LYPD6B: variants seen among roughly 807,000 people sequenced by gnomAD.
LYPD6B encodes the protein LY6/PLAUR domain containing 6B, also known as ly6/PLAUR domain-containing protein 6B.
LYPD6B carries 17 observed loss-of-function variants against 22.8 expected under a neutral mutation model. That is an observed-to-expected ratio of 0.75 (90% confidence interval 0.51 to 1.12). The LOEUF is 1.12. Among genes scored for constraint, LYPD6B ranks in the 50% most tolerant of loss-of-function variants. LYPD6B has a pLI of 0.00. For synonymous variants in LYPD6B, 106 were observed against 91.6 expected (o/e 1.16, Z -0.90); for missense variants, 221 against 258.3 (o/e 0.86, Z 0.99).
intron 1 of LYPD6B, among the ~76,000 whole-genome samples, chr2:149,100,043 G>A (rs1686117082): frequency 6.6e-6 from 1 of 152,162 alleles, no homozygotes. Context: ...TTGTTCTAAA[G>A]AGAACATTTA....
chr2:149,148,970 G>A (rs960569176), intron 2 of LYPD6B, among the ~76,000 whole-genome samples: 1 of 152,120 alleles, frequency 6.6e-6, no homozygotes, highest in African/African-American at 2.4e-5. Flanking sequence ...GTGAAGAGGT[G>A]GTGAGTGCTG....
chr2:149,086,040 G>A (rs570881578), intron 1 of LYPD6B, among the ~76,000 whole-genome samples: 11 of 152,288 alleles, frequency 7.2e-5, no homozygotes, highest in African/African-American at 1.4e-4. Context: ...ATTGCCAGGC[G>A]GAAGGCTCAG....
intron 1 of LYPD6B, among the ~76,000 whole-genome samples, chr2:149,115,469 T>C (rs1686958245): frequency 6.6e-6 from 1 of 152,208 alleles, no homozygotes; most frequent in African/African-American, 2.4e-5. Context: ...AATGGGAAGA[T>C]TCCTCTTCCT....
At chr2:149,052,687 T>G (rs1159607834) in intron 1 of LYPD6B, among the ~76,000 whole-genome samples, 1 of 152,186 alleles carries the variant, frequency 6.6e-6, no homozygotes, top group East Asian at 1.9e-4. Flanking sequence ...GCTGTCCAGA[T>G]TGAAGGGACT....
chr2:149,158,511 G>T (rs1480741264), intron 2 of LYPD6B, among the ~76,000 whole-genome samples: 1 of 152,138 alleles, frequency 6.6e-6, no homozygotes, highest in African/African-American at 2.4e-5. Flanking sequence ...GTTACCAGGG[G>T]CTGAGGGTAG....
intron 2 of LYPD6B, among the ~76,000 whole-genome samples, chr2:149,141,713 C>T (rs891681084): frequency 9.5e-4 from 144 of 152,066 alleles, no homozygotes; most frequent in African/African-American, 3.1e-3. Context: ...ATTTTAATTT[C>T]CCAGGGCAAC....
intron 1 of LYPD6B, among the ~76,000 whole-genome samples, chr2:149,062,426 T>A (rs758125736): frequency 1.6e-4 from 25 of 152,304 alleles, no homozygotes; most frequent in Non-Finnish European, 8.8e-5. Context: ...AGCCCATTTA[T>A]CAGAGAAGGG....
chr2:149,111,479 G>T (rs1457619136), intron 1 of LYPD6B, among the ~76,000 whole-genome samples: 1 of 152,068 alleles, frequency 6.6e-6, no homozygotes, highest in African/African-American at 2.4e-5. Flanking sequence ...GTGGGATGGG[G>T]GTGGGGAGAG....
intron 2 of LYPD6B, among the ~76,000 whole-genome samples, chr2:149,138,968 C>A (rs773811803): frequency 6.6e-6 from 1 of 152,244 alleles, no homozygotes; most frequent in African/African-American, 2.4e-5. Context: ...ATGAAAACTA[C>A]GTGAACTGGT....
chr2:149,198,853 T>C (rs1692987095), intron 3 of LYPD6B, among the ~76,000 whole-genome samples: 1 of 152,238 alleles, frequency 6.6e-6, no homozygotes, highest in African/African-American at 2.4e-5. Context: ...TGACTCTTTA[T>C]GGAATAACTA....
At chr2:149,160,406 T>C in intron 2 of LYPD6B, 1 of 463,634 alleles carries the variant, frequency 2.2e-6, no homozygotes, top group Non-Finnish European at 4.3e-6. Flanking sequence ...CCAAATACCC[T>C]GATATATGCC....
At chr2:149,041,291 C>G (rs10929949) in intron 1 of LYPD6B, among the ~76,000 whole-genome samples, 137,979 of 152,108 alleles carry the variant, frequency 0.91, 64,125 homozygotes, top group East Asian at 1. Context: ...AAATTATCTT[C>G]TTTTTCCAGG....
intron 1 of LYPD6B, among the ~76,000 whole-genome samples, chr2:149,089,063 G>C (rs1242745163): frequency 2.6e-5 from 4 of 152,166 alleles, no homozygotes; most frequent in Admixed American, 2.6e-4. Context: ...AGGATGAAAA[G>C]ATAGAATACA....
chr2:149,160,031 G>C (rs867770967), intron 2 of LYPD6B, among the ~76,000 whole-genome samples: 11 of 152,014 alleles, frequency 7.2e-5, no homozygotes, highest in South Asian at 2.1e-4. Context: ...GTACATGCCT[G>C]AAGTCCCAAC....
intron 3 of LYPD6B, among the ~76,000 whole-genome samples, chr2:149,173,801 C>T (rs550244752): frequency 2.2e-4 from 33 of 152,264 alleles, no homozygotes; most frequent in African/African-American, 7.2e-4. Context: ...CTTATCTGCA[C>T]ATTAATCTAC....
At chr2:149,189,367 TACACACAC>T (rs775556861) in intron 3 of LYPD6B, among the ~76,000 whole-genome samples, 171 of 80,590 alleles carry the variant, frequency 2.1e-3, no homozygotes, top group East Asian at 3.6e-3. Context: ...TATATATATA[TACACACAC>T]ATATGTATAT....
chr2:149,103,665 C>T (rs1209274062), intron 1 of LYPD6B, among the ~76,000 whole-genome samples: 2 of 152,070 alleles, frequency 1.3e-5, no homozygotes, highest in Non-Finnish European at 2.9e-5. Context: ...TCTCTGCCTG[C>T]CCTGTTGCCC....
intron 3 of LYPD6B, among the ~76,000 whole-genome samples, chr2:149,167,433 G>A (rs768806558): frequency 2.6e-5 from 4 of 152,162 alleles, no homozygotes; most frequent in Admixed American, 6.6e-5. Context: ...CTTTTTAGGA[G>A]GTTTGGTTGA....
chr2:149,041,637 G>T (rs1330643502), intron 1 of LYPD6B, among the ~76,000 whole-genome samples: 1 of 152,194 alleles, frequency 6.6e-6, no homozygotes, highest in Middle Eastern at 3.2e-3. Flanking sequence ...GCAACAAACT[G>T]TGTCTCCCAG....
Sources: allele counts gnomAD v4.1 joint callset (sites outside exome capture counted in the v4.1 genomes callset), GRCh38; gene constraint gnomAD v4.1.1; transcripts MANE v1.5; gene names NCBI Gene and HGNC (gene_info 2026-07-23, HGNC 2026-07-21).